Variants in CMKLR2 observed in about 807,000 individuals in gnomAD.
The protein encoded by CMKLR2 is chemerin-like receptor 2.
In CMKLR2, 18 loss-of-function variants were observed where a neutral mutation model predicts 23.0. The ratio of observed to expected loss-of-function variants is 0.78; its 90% CI spans 0.54 to 1.16. CMKLR2 has a LOEUF of 1.16. CMKLR2 is among the 50% of genes most tolerant of loss of function. CMKLR2 has a pLI of 0.00. For missense variants in CMKLR2, 401 were observed against 412.7 expected, an observed-to-expected ratio of 0.97 and a Z score of 0.25; for synonymous variants, 158 against 158.9, an observed-to-expected ratio of 0.99 and a Z score of 0.05.
intron 1 of CMKLR2, among the ~76,000 whole-genome samples, chr2:206,186,400 C>T (rs372023854): frequency 4.4e-4 from 67 of 152,158 alleles, no homozygotes; most frequent in African/African-American, 1.5e-3. Context: ...TGTGAGCCAC[C>T]GCGCCCGGCC....
chr2:206,177,808 A>G (rs1559082356), intron 1 of CMKLR2, among the ~76,000 whole-genome samples: 1 of 152,198 alleles, frequency 6.6e-6, no homozygotes, highest in Non-Finnish European at 1.5e-5. Flanking sequence ...TAAAGTATTT[A>G]GTACTTGCTA....
At chr2:206,202,737 C>A (rs1001757112) in intron 1 of CMKLR2, among the ~76,000 whole-genome samples, 1 of 151,958 alleles carries the variant, frequency 6.6e-6, no homozygotes, top group African/African-American at 2.4e-5. Context: ...GGTTTCAAGC[C>A]ATCCAGGTCA....
chr2:206,181,399 C>A (rs532306487), intron 1 of CMKLR2, among the ~76,000 whole-genome samples: 1 of 151,730 alleles, frequency 6.6e-6, no homozygotes, highest in South Asian at 2.1e-4. Context: ...CACTATGTTG[C>A]CCAGGCTGGA....
chr2:206,211,586 A>G (rs1689563656), intron 1 of CMKLR2, among the ~76,000 whole-genome samples: 1 of 152,010 alleles, frequency 6.6e-6, no homozygotes, highest in Admixed American at 6.6e-5. Context: ...TCTCCACACC[A>G]TGCCTGAACA....
At chr2:206,207,142 G>C (rs1024180727) in intron 1 of CMKLR2, among the ~76,000 whole-genome samples, 4 of 129,602 alleles carry the variant, frequency 3.1e-5, no homozygotes, top group African/African-American at 1.2e-4. Context: ...GTCATGTGTT[G>C]CTTATAATTT....
At chr2:206,204,148 C>G (rs1381184823) in intron 1 of CMKLR2, among the ~76,000 whole-genome samples, 2 of 151,942 alleles carry the variant, frequency 1.3e-5, no homozygotes, top group Non-Finnish European at 2.9e-5. Flanking sequence ...GTCAGGAGAT[C>G]GAGACCATCC....
At chr2:206,198,076 C>T (rs1278315197) in intron 1 of CMKLR2, among the ~76,000 whole-genome samples, 1 of 152,166 alleles carries the variant, frequency 6.6e-6, no homozygotes, top group Non-Finnish European at 1.5e-5. Context: ...TAGGGTGAGA[C>T]AGGCGAAGCT....
At chr2:206,186,141 TCA>T (rs1688572360) in intron 1 of CMKLR2, among the ~76,000 whole-genome samples, 1 of 148,524 alleles carries the variant, frequency 6.7e-6, no homozygotes. Flanking sequence ...TGATGGAGTC[TCA>T]CACTGTCACC....
upstream of CMKLR2, among the ~76,000 whole-genome samples, chr2:206,215,424 G>T (rs1689724044): frequency 6.6e-6 from 1 of 152,182 alleles, no homozygotes; most frequent in Non-Finnish European, 1.5e-5. Context: ...TTTGGCTATA[G>T]AGCAGGAACC....
intron 1 of CMKLR2, chr2:206,203,580 C>A (rs987150397): frequency 6.6e-6 from 1 of 152,256 alleles, no homozygotes; most frequent in Non-Finnish European, 1.5e-5. Context: ...GCCCAGAGGG[C>A]ATGGAAGCTC....
intron 1 of CMKLR2, 102 bp from the exon 2 acceptor site, chr2:206,177,377 CCAGA>C: frequency 1.6e-6 from 1 of 627,060 alleles, no homozygotes; most frequent in South Asian, 2.2e-5. Flanking sequence ...AGGTTATGGA[CCAGA>C]CATAGTATTA....
At chr2:206,201,318 T>C (rs183857282) in intron 1 of CMKLR2, among the ~76,000 whole-genome samples, 2 of 152,286 alleles carry the variant, frequency 1.3e-5, no homozygotes, top group Admixed American at 6.5e-5. Flanking sequence ...TCCAACAGGT[T>C]TTCCTAGCAG....
At chr2:206,190,260 CAT>C (rs1471139793) in intron 1 of CMKLR2, among the ~76,000 whole-genome samples, 1 of 152,204 alleles carries the variant, frequency 6.6e-6, no homozygotes, top group Non-Finnish European at 1.5e-5. Context: ...GAAGGGACAA[CAT>C]AAATGGGAGT....
intron 1 of CMKLR2, among the ~76,000 whole-genome samples, chr2:206,193,522 A>G (rs1544648): frequency 0.12 from 17,953 of 152,240 alleles, 1,220 homozygotes; most frequent in East Asian, 0.26. Context: ...ATGTGACTGG[A>G]CAACTGTTAG....
At chr2:206,186,350 A>G (rs1048762851) in intron 1 of CMKLR2, among the ~76,000 whole-genome samples, 4 of 151,964 alleles carry the variant, frequency 2.6e-5, no homozygotes, top group Non-Finnish European at 5.9e-5. Context: ...TGACCTTGTG[A>G]TCCGCCTGCC....
At chr2:206,178,272 A>T (rs888510985) in intron 1 of CMKLR2, among the ~76,000 whole-genome samples, 1 of 151,832 alleles carries the variant, frequency 6.6e-6, no homozygotes, top group Admixed American at 6.6e-5. Flanking sequence ...CTCAAAACAA[A>T]TTTTTTCCTG....
At chr2:206,211,014 G>A (rs1313636408) in intron 1 of CMKLR2, among the ~76,000 whole-genome samples, 1 of 151,994 alleles carries the variant, frequency 6.6e-6, no homozygotes, top group Non-Finnish European at 1.5e-5. Context: ...GGACAATTTG[G>A]TCCTAATGAA....
chr2:206,181,257 A>G (rs1254630283), intron 1 of CMKLR2, among the ~76,000 whole-genome samples: 1 of 150,666 alleles, frequency 6.6e-6, no homozygotes, highest in Non-Finnish European at 1.5e-5. Flanking sequence ...GAGTTTCACC[A>G]TGTTGGCCAG....
chr2:206,214,996 A>T (rs1253311622), upstream of CMKLR2, among the ~76,000 whole-genome samples: 1 of 152,176 alleles, frequency 6.6e-6, no homozygotes, highest in African/African-American at 2.4e-5. Flanking sequence ...TTGTTAGGCC[A>T]TGAAAGGTCA....
Sources: gnomAD v4.1 joint callset for allele counts (sites outside exome capture counted in the v4.1 genomes callset) on GRCh38, gnomAD v4.1.1 for gene constraint, MANE v1.5 for transcripts, NCBI Gene and HGNC (gene_info 2026-07-23, HGNC 2026-07-21) for gene names.